INPP4B: variants seen among roughly 807,000 people sequenced by gnomAD.
The protein encoded by INPP4B is inositol polyphosphate-4-phosphatase type II B, also known as inositol polyphosphate 4-phosphatase type II.
INPP4B carries 55 observed loss-of-function variants against 122.5 expected under a neutral mutation model. The observed-to-expected ratio is 0.45, with a 90% confidence interval of 0.36 to 0.56. The LOEUF is 0.56. Ranked by LOEUF, INPP4B falls within the 20% of genes least tolerant of loss-of-function variation. The pLI, the probability that INPP4B is intolerant of heterozygous loss-of-function variation, is 0.00. For synonymous variants in INPP4B, 403 were observed against 388.7 expected (o/e 1.04, Z -0.43); for missense variants, 1,000 against 1,097.7 (o/e 0.91, Z 1.26).
chr4:142,262,255 G>T (rs1382487099), intron 10 of INPP4B, among the ~76,000 whole-genome samples: 6 of 152,068 alleles, frequency 3.9e-5, no homozygotes, highest in Non-Finnish European at 7.3e-5. Flanking sequence ...TACACGATCT[G>T]TTTCTCCCTG....
chr4:142,308,393 G>A (rs944979890), intron 8 of INPP4B, among the ~76,000 whole-genome samples: 4 of 152,120 alleles, frequency 2.6e-5, no homozygotes, highest in African/African-American at 9.7e-5. Flanking sequence ...TATCAGGACT[G>A]CATGTTGTAT....
intron 15 of INPP4B, among the ~76,000 whole-genome samples, chr4:142,185,120 T>C (rs984456179): frequency 6.6e-6 from 1 of 152,166 alleles, no homozygotes; most frequent in African/African-American, 2.4e-5. Flanking sequence ...TGTTTCATTA[T>C]TAAAATGCAT....
intron 25 of INPP4B, among the ~76,000 whole-genome samples, chr4:142,068,243 T>A (rs1764793906): frequency 6.6e-6 from 1 of 151,938 alleles, no homozygotes; most frequent in South Asian, 2.1e-4. Flanking sequence ...GCTTCATAAG[T>A]GAAGGAGAAA....
intron 9 of INPP4B, among the ~76,000 whole-genome samples, chr4:142,277,678 C>CAT (rs1749219643): frequency 3.7e-5 from 3 of 80,494 alleles, no homozygotes; most frequent in Admixed American, 3.3e-4. Context: ...TACACACACA[C>CAT]ACATACACAC....
chr4:142,051,461 A>G (rs1477593458), intron 25 of INPP4B, among the ~76,000 whole-genome samples: 2 of 151,886 alleles, frequency 1.3e-5, no homozygotes, highest in Non-Finnish European at 2.9e-5. Context: ...GCAACATGCT[A>G]TTTCTTGGAC....
At chr4:142,221,033 G>T (rs971998338) in intron 12 of INPP4B, among the ~76,000 whole-genome samples, 1 of 152,044 alleles carries the variant, frequency 6.6e-6, no homozygotes, top group Admixed American at 6.6e-5. Context: ...TTTGGCAGGG[G>T]CAAGGCACGA....
At chr4:142,324,456 A>C (rs1771573132) in intron 7 of INPP4B, among the ~76,000 whole-genome samples, 1 of 152,160 alleles carries the variant, frequency 6.6e-6, no homozygotes, top group African/African-American at 2.4e-5. Context: ...TACCTGACAC[A>C]GCCTCAGAAT....
intron 1 of INPP4B, among the ~76,000 whole-genome samples, chr4:142,766,440 G>C (rs1312787414): frequency 6.6e-6 from 1 of 151,674 alleles, no homozygotes; most frequent in Non-Finnish European, 1.5e-5. Flanking sequence ...GAAGTGCAAT[G>C]GTGGCACAAT....
rs944058182 is a variant in INPP4B at position 142,806,804 on chromosome 4, A to T, written c.-254+39405T>A. On this transcript the variant is annotated intron_variant, in intron 1 of 25. Coordinates refer to ENST00000262992, the MANE Select transcript of INPP4B (RefSeq NM_001101669.3). The stretch of plus-strand genomic sequence containing the variant: ...GAAAGAAGGAAAGAAAGAAAGAAAG[A>T]AAGAAAGAAAGAAAGAAAGAAAGAA... Among the ~76,000 whole-genome samples the T allele has an allele frequency of 4.1e-5, 6 of 146,682 alleles. No homozygotes were observed. In the Admixed American group the frequency reaches 4.2e-4, roughly 10 times the overall value.
chr4:142,093,203 C>T (rs1053764309), intron 23 of INPP4B, among the ~76,000 whole-genome samples: 1 of 152,116 alleles, frequency 6.6e-6, no homozygotes, highest in South Asian at 2.1e-4. Flanking sequence ...TGAGCCCAGC[C>T]TTTGAGTGAG....
At chr4:142,671,706 T>C (rs1319951305) in intron 2 of INPP4B, among the ~76,000 whole-genome samples, 4 of 152,136 alleles carry the variant, frequency 2.6e-5, no homozygotes, top group African/African-American at 4.8e-5. Context: ...AGTTCCAAGA[T>C]AGTAACACTT....
At chr4:142,454,144 C>T (rs1404585083) in intron 3 of INPP4B, among the ~76,000 whole-genome samples, 1 of 152,036 alleles carries the variant, frequency 6.6e-6, no homozygotes, top group Non-Finnish European at 1.5e-5. Context: ...TCTTCTTAAT[C>T]TCAAGTAAAA....
chr4:142,630,093 C>A (rs1452610511), intron 2 of INPP4B, among the ~76,000 whole-genome samples: 4 of 152,082 alleles, frequency 2.6e-5, no homozygotes, highest in Non-Finnish European at 5.9e-5. Context: ...AATATGTAAG[C>A]CCAACGCGAT....
At chr4:142,529,883 A>C (rs1291515676) in intron 2 of INPP4B, among the ~76,000 whole-genome samples, 1 of 152,072 alleles carries the variant, frequency 6.6e-6, no homozygotes, top group Non-Finnish European at 1.5e-5. Flanking sequence ...AAAGTTCTGC[A>C]CTCACAAAAA....
chr4:142,546,595 A>G (rs765403582), intron 2 of INPP4B, among the ~76,000 whole-genome samples: 1 of 152,142 alleles, frequency 6.6e-6, no homozygotes, highest in Non-Finnish European at 1.5e-5. Context: ...TTACGTGTCA[A>G]CACGGAGATA....
At chr4:142,288,643 C>T (rs913654675) in intron 9 of INPP4B, among the ~76,000 whole-genome samples, 2 of 152,122 alleles carry the variant, frequency 1.3e-5, no homozygotes, top group Admixed American at 6.5e-5. Context: ...TAAAATAAGC[C>T]TTTAATTACA....
At chr4:142,740,627 T>C (rs1767763607) in intron 1 of INPP4B, among the ~76,000 whole-genome samples, 3 of 151,650 alleles carry the variant, frequency 2.0e-5, no homozygotes, top group Admixed American at 2.0e-4. Context: ...AAGATTTTAG[T>C]CTTGTAAAAG....
chr4:142,314,016 A>G (rs1766523953), intron 8 of INPP4B, among the ~76,000 whole-genome samples: 1 of 152,146 alleles, frequency 6.6e-6, no homozygotes, highest in Non-Finnish European at 1.5e-5. Flanking sequence ...GGGTATTTCA[A>G]ATAGCTCTTC....
At chr4:142,233,766 T>C (rs915981725) in intron 12 of INPP4B, among the ~76,000 whole-genome samples, 2 of 152,128 alleles carry the variant, frequency 1.3e-5, no homozygotes, top group East Asian at 1.9e-4. Flanking sequence ...ACATGCCTAA[T>C]TTAATTCTTA....
Sources: gnomAD v4.1 joint callset for allele counts (sites outside exome capture counted in the v4.1 genomes callset) on GRCh38, gnomAD v4.1.1 for gene constraint, MANE v1.5 for transcripts, NCBI Gene and HGNC (gene_info 2026-07-23, HGNC 2026-07-21) for gene names.